The following PPM1B variants were observed in gnomAD, a reference collection of about 807,000 sequenced individuals.
PPM1B encodes protein phosphatase 1B.
A neutral mutation model predicts 43.0 loss-of-function variants in PPM1B; 22 were observed. That is an observed-to-expected ratio of 0.51 (90% CI 0.37 to 0.73). The LOEUF (loss-of-function observed/expected upper bound fraction) is 0.73, where lower values mean the gene tolerates loss of function less well. PPM1B is among the 30% of genes least tolerant of loss of function. PPM1B has a pLI of 0.00. For missense variants in PPM1B, 632 were observed against 584.2 expected (o/e 1.08, Z -0.84); for synonymous variants, 217 against 197.9 (o/e 1.10, Z -0.81).
intron 1 of PPM1B, among the ~76,000 whole-genome samples, chr2:44,172,727 T>C (rs975693955): frequency 1.2e-4 from 19 of 152,152 alleles, no homozygotes; most frequent in Admixed American, 7.2e-4. Flanking sequence ...CTGGGCAACA[T>C]AGCAAGACCC....
downstream of PPM1B, chr2:44,233,143 T>G (rs1670516358): frequency 2.1e-6 from 2 of 973,636 alleles, no homozygotes; most frequent in Non-Finnish European, 2.4e-6. Context: ...GATTTTTGTT[T>G]TACATGTGGG....
chr2:44,217,832 A>G, intron 3 of PPM1B, 135 bp from the exon 4 acceptor site: 1 of 466,916 alleles, frequency 2.1e-6, no homozygotes, highest in East Asian at 3.6e-5. Flanking sequence ...CTTCTTAAAA[A>G]TTTTTTGTGT....
At chr2:44,195,361 G>C (rs535606313) in intron 1 of PPM1B, among the ~76,000 whole-genome samples, 1 of 152,232 alleles carries the variant, frequency 6.6e-6, no homozygotes, top group Non-Finnish European at 1.5e-5. Context: ...ACGCCACCAT[G>C]CTAGGCTAAT....
chr2:44,230,656 C>T lies in PPM1B; in HGVS notation c.1378C>T (p.Leu460Phe). The T allele has an allele frequency of 1.2e-6, 2 of 1,614,082 alleles. No homozygotes were observed. Among genetic ancestry groups the T allele is most frequent in the Non-Finnish European group, 1.7e-6 (2 of 1,179,994 alleles). The change falls in exon 6 of 6, where the codon CTT (leucine) becomes TTT (phenylalanine). Residue 460 changes from leucine to phenylalanine, a missense_variant. Coordinates refer to ENST00000282412, the MANE Select transcript of PPM1B (RefSeq NM_002706.6). ...AAGCCATACTGAATCAGAAAGTGGT[C>T]TTGCTGAATTAGACAGCTCTAATGA... is the stretch of plus-strand genomic sequence containing the variant. ...QESHTESESG[L>F]AELDSSNEDA...
intron 3 of PPM1B, among the ~76,000 whole-genome samples, chr2:44,215,799 A>AT (rs899922157): frequency 1.8e-4 from 28 of 151,652 alleles, no homozygotes; most frequent in East Asian, 3.9e-4. Flanking sequence ...GTAAAAACCT[A>AT]TTTTTTTTTA....
At chr2:44,235,538 G>T (rs749658166), downstream of PPM1B, among the ~76,000 whole-genome samples, 38 of 150,268 alleles carry the variant, frequency 2.5e-4, no homozygotes, top group Non-Finnish European at 2.7e-4. Context: ...AGGTGACGGA[G>T]GTTGCAGTGA....
intron 3 of PPM1B, among the ~76,000 whole-genome samples, chr2:44,213,411 A>G (rs1669574893): frequency 6.6e-6 from 1 of 151,730 alleles, no homozygotes; most frequent in South Asian, 2.1e-4. Flanking sequence ...AGTTCGTTGA[A>G]TTTGGCCATT....
chr2:44,238,832 A>T (rs1314048156), downstream of PPM1B, among the ~76,000 whole-genome samples: 2 of 152,186 alleles, frequency 1.3e-5, no homozygotes, highest in Non-Finnish European at 1.5e-5. Flanking sequence ...GCTCCTAAAG[A>T]TCCTATACTC....
intron 1 of PPM1B, among the ~76,000 whole-genome samples, chr2:44,177,882 T>A (rs981947734): frequency 4.0e-5 from 6 of 151,636 alleles, no homozygotes; most frequent in Non-Finnish European, 8.8e-5. Context: ...GCATATATAT[T>A]GCATAGTATT....
At chr2:44,194,466 G>A (rs1668561542) in intron 1 of PPM1B, among the ~76,000 whole-genome samples, 1 of 151,896 alleles carries the variant, frequency 6.6e-6, no homozygotes, top group Non-Finnish European at 1.5e-5. Flanking sequence ...GCTCATGCCT[G>A]TAATCCCAGC....
downstream of PPM1B, chr2:44,232,674 A>G (rs199682664): frequency 3.7e-6 from 4 of 1,088,652 alleles, no homozygotes; most frequent in East Asian, 2.6e-4. Flanking sequence ...ATAGTTAGCT[A>G]TACTCTGAAA....
chr2:44,214,256 T>C (rs1036161613), intron 3 of PPM1B, among the ~76,000 whole-genome samples: 2 of 152,148 alleles, frequency 1.3e-5, no homozygotes, highest in African/African-American at 4.8e-5. Context: ...ATTTTTTGTA[T>C]TTTTAGTAGA....
At chr2:44,205,351 GTGGGTGTGTGTGT>G (rs1669132874) in intron 2 of PPM1B, among the ~76,000 whole-genome samples, 1 of 143,430 alleles carries the variant, frequency 7.0e-6, no homozygotes, top group Non-Finnish European at 1.5e-5. Flanking sequence ...GGGTGTGGGT[GTGGGTGTGTGTGT>G]GTGTGTGTGT....
chr2:44,196,535 C>G (rs1239296572), intron 1 of PPM1B, among the ~76,000 whole-genome samples: 2 of 152,130 alleles, frequency 1.3e-5, no homozygotes, highest in African/African-American at 4.8e-5. Flanking sequence ...TCATTTTGTA[C>G]TTTTTGAAAA....
chr2:44,194,975 T>A (rs1283235489), intron 1 of PPM1B, among the ~76,000 whole-genome samples: 2 of 140,490 alleles, frequency 1.4e-5, no homozygotes. Context: ...CACTGCAGCC[T>A]CCACCTCTCA....
At chr2:44,223,555 A>G (rs571379484) in intron 5 of PPM1B, among the ~76,000 whole-genome samples, 55 of 152,160 alleles carry the variant, frequency 3.6e-4, no homozygotes, top group Non-Finnish European at 7.2e-4. Flanking sequence ...CATGCCTGTA[A>G]TGCCAGCACT....
intron 1 of PPM1B, among the ~76,000 whole-genome samples, chr2:44,184,623 A>G (rs2104035203): frequency 6.6e-6 from 1 of 152,210 alleles, no homozygotes. Flanking sequence ...CATATAATAG[A>G]CATCTCTAAC....
At chr2:44,215,293 CAA>C (rs910086349) in intron 3 of PPM1B, among the ~76,000 whole-genome samples, 5 of 152,002 alleles carry the variant, frequency 3.3e-5, no homozygotes, top group Non-Finnish European at 5.9e-5. Flanking sequence ...CATAGAGCTA[CAA>C]AAAAGTTTTA....
intron 1 of PPM1B, among the ~76,000 whole-genome samples, chr2:44,182,084 C>T (rs544479640): frequency 2.0e-5 from 3 of 152,076 alleles, no homozygotes; most frequent in Non-Finnish European, 4.4e-5. Context: ...CTTCTTCTTA[C>T]GACTGATAGT....
Sources: allele counts gnomAD v4.1 joint callset (sites outside exome capture counted in the v4.1 genomes callset), GRCh38; gene constraint gnomAD v4.1.1; transcripts MANE v1.5; gene names NCBI Gene and HGNC (gene_info 2026-07-23, HGNC 2026-07-21).